Variants in KIAA1217 observed in about 807,000 individuals in gnomAD.
The protein encoded by KIAA1217 is sickle tail protein homolog.
In KIAA1217, 88 loss-of-function variants were observed where a neutral mutation model predicts 163.9. The ratio of observed to expected loss-of-function variants is 0.54; its 90% CI spans 0.45 to 0.64. The LOEUF (loss-of-function observed/expected upper bound fraction) is 0.64. Among genes scored for constraint, KIAA1217 ranks in the 30% least tolerant of loss-of-function variants. The probability of loss-of-function intolerance (pLI) is 0.00; values close to 1 mark genes in which losing one functional copy is unlikely to be tolerated. For synonymous variants in KIAA1217, 903 were observed against 923.1 expected (o/e 0.98, Z 0.39); for missense variants, 2,372 against 2,475.0 (o/e 0.96, Z 0.88).
intron 1 of KIAA1217, among the ~76,000 whole-genome samples, chr10:23,933,349 G>T (rs189182935): frequency 5.6e-4 from 86 of 152,240 alleles, no homozygotes; most frequent in Admixed American, 1.8e-3. Flanking sequence ...TTTGGACTAG[G>T]GTTCCAGAGA....
At chr10:24,340,142 C>T (rs558650373) in intron 2 of KIAA1217, among the ~76,000 whole-genome samples, 2 of 152,314 alleles carry the variant, frequency 1.3e-5, no homozygotes, top group South Asian at 2.1e-4. Flanking sequence ...TGATTTGGCC[C>T]TTTTCCTTTG....
At chr10:24,143,654 T>C (rs1261349802) in intron 2 of KIAA1217, among the ~76,000 whole-genome samples, 1 of 152,114 alleles carries the variant, frequency 6.6e-6, no homozygotes, top group Non-Finnish European at 1.5e-5. Context: ...GCTATACTTA[T>C]TATCTAGCTA....
chr10:24,522,024 C>G, intron 12 of KIAA1217, 95 bp downstream of exon 12: 3 of 1,378,222 alleles, frequency 2.2e-6, no homozygotes, highest in South Asian at 2.7e-5. Flanking sequence ...CCACCATGCT[C>G]CCAGGACACA....
intron 9 of KIAA1217, among the ~76,000 whole-genome samples, chr10:24,504,060 C>G (rs1331902205): frequency 6.6e-6 from 1 of 152,150 alleles, no homozygotes; most frequent in Non-Finnish European, 1.5e-5. Context: ...ACAGCGTCAC[C>G]CCATCAGTGG....
Position 24,438,510 on chromosome 10 carries a change from T to G in KIAA1217, c.846+31T>G, listed in dbSNP as rs1331394444. On this transcript the variant is annotated intron_variant, in intron 5 of 20. Transcript: ENST00000376454. ...TGTTTCTGTCATATTTTTACTTATCTTCAGTGGGTCAAAGCGTCCCTCCTC... is the reference window on the plus strand; with the variant it reads ...TGTTTCTGTCATATTTTTACTTATCGTCAGTGGGTCAAAGCGTCCCTCCTC... 7 of 1,440,372 alleles carry G rather than the reference T, an allele frequency of 4.9e-6. No individual in the cohort carries two copies. In the Admixed American group the frequency reaches 1.2e-4, roughly 24 times the overall value. The allele number at this position is 1,440,372 out of a possible 1,614,324, so 89.2% of individuals were successfully genotyped here.
chr10:23,936,993 C>T (rs1564547939), intron 1 of KIAA1217, among the ~76,000 whole-genome samples: 1 of 152,104 alleles, frequency 6.6e-6, no homozygotes, highest in Non-Finnish European at 1.5e-5. Flanking sequence ...ATTCTCCTTC[C>T]TCAGTCACAT....
At chr10:24,060,657 G>A (rs757878499) in intron 2 of KIAA1217, among the ~76,000 whole-genome samples, 3 of 152,014 alleles carry the variant, frequency 2.0e-5, no homozygotes, top group Non-Finnish European at 4.4e-5. Flanking sequence ...TGAGATGTGC[G>A]TGGTGACACA....
chr10:24,207,935 A>C (rs770692901), upstream of KIAA1217, among the ~76,000 whole-genome samples: 4 of 151,950 alleles, frequency 2.6e-5, no homozygotes, highest in Non-Finnish European at 5.9e-5. Flanking sequence ...TCAATCTCAA[A>C]CCTTGCTGGA....
chr10:24,361,438 T>G (rs1345063579), intron 2 of KIAA1217, among the ~76,000 whole-genome samples: 1 of 152,174 alleles, frequency 6.6e-6, no homozygotes, highest in African/African-American at 2.4e-5. Context: ...TCTTCCCACC[T>G]TGGCCTCCCA....
intron 2 of KIAA1217, among the ~76,000 whole-genome samples, chr10:24,327,840 C>T (rs148526026): frequency 6.6e-6 from 1 of 152,278 alleles, no homozygotes; most frequent in African/African-American, 2.4e-5. Context: ...TGACTGTGAT[C>T]ACAGCTAACA....
At chr10:24,178,440 G>A (rs1329467017) in intron 2 of KIAA1217, among the ~76,000 whole-genome samples, 1 of 152,196 alleles carries the variant, frequency 6.6e-6, no homozygotes, top group Non-Finnish European at 1.5e-5. Context: ...CATAAAGCCA[G>A]GTCTTCTGAG....
chr10:24,524,524 C>G lies in KIAA1217; in HGVS notation c.2658C>G (p.His886Gln). 1.9e-6 allele frequency: 3 copies of G among 1,614,122 alleles called. No individual in the cohort carries two copies. Among genetic ancestry groups the G allele is most frequent in the Non-Finnish European group, 2.5e-6 (3 of 1,180,030 alleles). ...CTTTGTCCGGCATGATGGTTCGCCA[C>G]GCGCAGAGCTCCCCTGTGGTCATCC... Reference protein sequence around the residue: ...VVPLSGMMVRHAQSSPVVIQP... With the variant: ...VVPLSGMMVRQAQSSPVVIQP... The change falls in exon 13 of 21, where the codon CAC becomes CAG. Residue 886 changes from histidine (H) to glutamine (Q), a missense_variant. Physicochemically the swap from His to Gln is conservative, Grantham distance 24 (BLOSUM62 0). Transcript: ENST00000376454.
intron 1 of KIAA1217, among the ~76,000 whole-genome samples, chr10:23,788,404 G>A (rs938018046): frequency 6.6e-6 from 1 of 152,216 alleles, no homozygotes; most frequent in African/African-American, 2.4e-5. Context: ...TCAGCCTCTT[G>A]GGGCTAATGC....
chr10:24,531,717 G>T, intron 14 of KIAA1217, 113 bp from the exon 15 acceptor site: 1 of 1,057,460 alleles, frequency 9.5e-7, no homozygotes. Flanking sequence ...TTGCTCTATG[G>T]AGAGAACAGA....
chr10:23,891,525 C>T (rs1237091305), intron 1 of KIAA1217, among the ~76,000 whole-genome samples: 4 of 151,920 alleles, frequency 2.6e-5, no homozygotes, highest in Non-Finnish European at 4.4e-5. Context: ...TCTTTGCCTC[C>T]TCAGATCAGC....
chr10:24,300,923 A>G (rs1010837141), intron 2 of KIAA1217, among the ~76,000 whole-genome samples: 4 of 151,792 alleles, frequency 2.6e-5, no homozygotes, highest in African/African-American at 4.8e-5. Context: ...AGCAATTCTC[A>G]TGCCTCTGCC....
At chr10:23,840,667 T>C (rs974216760) in intron 1 of KIAA1217, among the ~76,000 whole-genome samples, 1 of 152,238 alleles carries the variant, frequency 6.6e-6, no homozygotes, top group African/African-American at 2.4e-5. Flanking sequence ...GAATGAAGGC[T>C]TTCCCCTACT....
chr10:24,060,641 T>A (rs545448152), intron 2 of KIAA1217, among the ~76,000 whole-genome samples: 1 of 152,100 alleles, frequency 6.6e-6, no homozygotes, highest in Non-Finnish European at 1.5e-5. Flanking sequence ...CAAAAAAATT[T>A]TTTTATGAGA....
chr10:24,015,901 G>A (rs1053949078), intron 2 of KIAA1217, among the ~76,000 whole-genome samples: 3 of 151,644 alleles, frequency 2.0e-5, no homozygotes, highest in South Asian at 2.1e-4. Context: ...TCCTGTTTGC[G>A]TAGGGTAAAA....
Sources: gnomAD v4.1 joint callset for allele counts (sites outside exome capture counted in the v4.1 genomes callset) on GRCh38, gnomAD v4.1.1 for gene constraint, MANE v1.5 for transcripts, NCBI Gene and HGNC (gene_info 2026-07-23, HGNC 2026-07-21) for gene names.